C2orf92: variants seen among roughly 807,000 people sequenced by gnomAD.
C2orf92 encodes the protein chromosome 2 open reading frame 92.
upstream of C2orf92, chr2:97,663,981 C>A (rs1675111112): frequency 3.7e-6 from 3 of 810,440 alleles, no homozygotes; most frequent in South Asian, 1.0e-4. Context: ...CGGCGGCTCC[C>A]GACGCGGCGC....
At chr2:97,687,100 C>T (rs1675987571) in intron 3 of C2orf92, among the ~76,000 whole-genome samples, 1 of 151,810 alleles carries the variant, frequency 6.6e-6, no homozygotes, top group African/African-American at 2.4e-5. Context: ...CATGGTGGCT[C>T]ATGCCTGTAA....
chr2:97,664,978 T>C (rs1675158839), upstream of C2orf92, among the ~76,000 whole-genome samples: 1 of 152,258 alleles, frequency 6.6e-6, no homozygotes, highest in Non-Finnish European at 1.5e-5. Context: ...ACCTGCTCTG[T>C]GCCTGCGGAG....
chr2:97,670,661 GC>G (rs1675385644), intron 1 of C2orf92: 1 of 151,914 alleles, frequency 6.6e-6, no homozygotes, highest in African/African-American at 2.4e-5. Context: ...AACATTCCAG[GC>G]CCAAGGATCC....
chr2:97,688,879 G>A lies in C2orf92; in HGVS notation c.233-16G>A. On this transcript the variant is annotated splice_polypyrimidine_tract_variant and intron_variant, in intron 3 of 7. Coordinates refer to ENST00000627399, the MANE Select transcript of C2orf92 (RefSeq NM_001351368.2). ...TGCGTTGCTGTATTAACATGCCTTT[G>A]TTTGCTCCACTGGAGATGAAATTCT... 1 of 398,574 alleles carries A rather than the reference G, an allele frequency of 2.5e-6. No individual in the cohort carries two copies. Among genetic ancestry groups the A allele is most frequent in the Non-Finnish European group, 4.4e-6 (1 of 226,056 alleles). The allele number at this position is 398,574 out of a possible 1,614,324, so 24.7% of individuals were successfully genotyped here. A position where few individuals can be genotyped will look rare whatever the true frequency, so the allele number is the denominator to read the frequency against.
chr2:97,683,067 A>G (rs996962467), intron 3 of C2orf92, among the ~76,000 whole-genome samples: 6 of 138,878 alleles, frequency 4.3e-5, no homozygotes, highest in Middle Eastern at 3.6e-3. Context: ...GTTGAAAACC[A>G]TATAGACTCC....
At chr2:97,666,191 G>A (rs1675225561), upstream of C2orf92, among the ~76,000 whole-genome samples, 1 of 151,804 alleles carries the variant, frequency 6.6e-6, no homozygotes, top group Non-Finnish European at 1.5e-5. Flanking sequence ...TTTAGCCATA[G>A]CATCTTATGA....
intron 3 of C2orf92, among the ~76,000 whole-genome samples, chr2:97,684,193 G>A (rs1470481331): frequency 1.3e-5 from 2 of 151,980 alleles, no homozygotes; most frequent in Non-Finnish European, 2.9e-5. Context: ...CCGCCACCAC[G>A]CCTGGCTAAT....
chr2:97,664,767 AT>A (rs2104515276), upstream of C2orf92: 1 of 152,054 alleles, frequency 6.6e-6, no homozygotes, highest in East Asian at 1.9e-4. Flanking sequence ...TAGAGAAGGG[AT>A]CTCGCTATGT....
chr2:97,684,352 C>T (rs1188530895), intron 3 of C2orf92, among the ~76,000 whole-genome samples: 1 of 152,066 alleles, frequency 6.6e-6, no homozygotes, highest in African/African-American at 2.4e-5. Flanking sequence ...TGATTTTCAA[C>T]AAGGATGTCA....
intron 3 of C2orf92, among the ~76,000 whole-genome samples, chr2:97,681,092 G>A (rs1272644858): frequency 7.8e-6 from 1 of 127,466 alleles, no homozygotes; most frequent in Non-Finnish European, 1.6e-5. Flanking sequence ...AGGAGACAGA[G>A]CGAGACTCCA....
intron 5 of C2orf92, 59 bp downstream of exon 5, chr2:97,690,386 C>CT (rs1480000409): frequency 0.11 from 34,652 of 311,962 alleles, no homozygotes; most frequent in East Asian, 0.16. Context: ...TCTTTTTCCT[C>CT]TTTTTTTTTT....
chr2:97,666,557 G>T (rs1043408784), upstream of C2orf92, among the ~76,000 whole-genome samples: 2 of 151,072 alleles, frequency 1.3e-5, no homozygotes, highest in African/African-American at 2.4e-5. Context: ...AAAAGATGGG[G>T]TTGAGATGGG....
chr2:97,689,318 C>A (rs1351621253), intron 4 of C2orf92, among the ~76,000 whole-genome samples: 1 of 152,160 alleles, frequency 6.6e-6, no homozygotes, highest in African/African-American at 2.4e-5. Context: ...CAACAGGAGC[C>A]CCCAGCAGCA....
chr2:97,691,514 G>A (rs1676136341), intron 5 of C2orf92, among the ~76,000 whole-genome samples: 1 of 152,210 alleles, frequency 6.6e-6, no homozygotes, highest in African/African-American at 2.4e-5. Context: ...CAGACAGGAT[G>A]AGCAGCTAGA....
chr2:97,674,247 G>A (rs538253989), intron 1 of C2orf92: 9 of 369,892 alleles, frequency 2.4e-5, no homozygotes, highest in South Asian at 1.5e-4. Context: ...TTTAGTGGGC[G>A]GTGTTTGCTG....
upstream of C2orf92, chr2:97,664,059 G>A: frequency 3.2e-6 from 1 of 311,944 alleles, no homozygotes. Context: ...GGCGGGCCCG[G>A]CGGCCAATCA....
At chr2:97,697,453 A>G (rs1676346967) in intron 5 of C2orf92, 1 of 152,172 alleles carries the variant, frequency 6.6e-6, no homozygotes, top group Non-Finnish European at 1.5e-5. Flanking sequence ...GACCAAGCCA[A>G]GCGCGCCCCC....
At position 97,702,761 on chromosome 2, in the gene C2orf92, C is replaced by CA. The variant is rs1485675015; in HGVS notation, c.765dup (p.Gln256ThrfsTer81). On this transcript the variant is annotated frameshift_variant, in exon 8 of 8. Transcript: ENST00000627399. LOFTEE classifies it low-confidence loss of function (END_TRUNC). ...GAAGAAAAAAATTTCACAAAACTTG[C>CA]AAAAAAACAGAAACAGTTGAAGAGC... 2 of 398,680 alleles carry CA rather than the reference C, an allele frequency of 5.0e-6. No individual in the cohort carries two copies. The highest frequency in any genetic ancestry group is 4.4e-5 in the Admixed American group (1 of 22,688). The allele number at this position is 398,680 out of a possible 1,614,324, so 24.7% of individuals were successfully genotyped here. A position where few individuals can be genotyped will look rare whatever the true frequency, so the allele number is the denominator to read the frequency against.
chr2:97,693,017 T>C (rs1464330718), intron 5 of C2orf92, among the ~76,000 whole-genome samples: 4 of 152,216 alleles, frequency 2.6e-5, no homozygotes, highest in African/African-American at 9.7e-5. Context: ...TTTTTGGGTA[T>C]TTTTTTCTGT....
Sources: allele counts gnomAD v4.1 joint callset (sites outside exome capture counted in the v4.1 genomes callset), GRCh38; gene constraint gnomAD v4.1.1; transcripts MANE v1.5; gene names NCBI Gene and HGNC (gene_info 2026-07-23, HGNC 2026-07-21).